The following PDE1C variants were observed in gnomAD, a reference collection of about 807,000 sequenced individuals.
The protein encoded by PDE1C is dual specificity calcium/calmodulin-dependent 3',5'-cyclic nucleotide phosphodiesterase 1C.
In PDE1C, 62 loss-of-function variants were observed where a neutral mutation model predicts 93.1. The ratio of observed to expected loss-of-function variants is 0.67; its 90% confidence interval spans 0.54 to 0.82. PDE1C has a LOEUF of 0.82. Ranked by LOEUF, PDE1C falls within the 40% of genes least tolerant of loss-of-function variation. The pLI is 0.00. For synonymous variants in PDE1C, 325 were observed against 310.1 expected, an observed-to-expected ratio of 1.05 and a Z score of -0.50; for missense variants, 742 against 884.6, an observed-to-expected ratio of 0.84 and a Z score of 2.04.
chr7:32,214,411 C>T (rs141278471), intron 1 of PDE1C, among the ~76,000 whole-genome samples: 253 of 152,146 alleles, frequency 1.7e-3, no homozygotes, highest in Non-Finnish European at 2.9e-3. Context: ...ATTGGAATCA[C>T]CTAGGGAATG....
At chr7:31,904,318 A>G (rs1222259722) in intron 2 of PDE1C, among the ~76,000 whole-genome samples, 1 of 152,118 alleles carries the variant, frequency 6.6e-6, no homozygotes, top group Non-Finnish European at 1.5e-5. Flanking sequence ...ATCTAGAGAC[A>G]CTGCTATTAT....
chr7:31,982,053 T>C (rs943459460), intron 2 of PDE1C, among the ~76,000 whole-genome samples: 1 of 152,240 alleles, frequency 6.6e-6, no homozygotes, highest in Non-Finnish European at 1.5e-5. Context: ...TTCACTGCTA[T>C]CTGCATGATA....
chr7:31,943,306 G>A (rs1383886673), intron 2 of PDE1C, among the ~76,000 whole-genome samples: 1 of 152,132 alleles, frequency 6.6e-6, no homozygotes, highest in African/African-American at 2.4e-5. Flanking sequence ...ATAGCCCAGG[G>A]AGGCTCAGAA....
At chr7:32,162,618 C>T (rs558821383) in intron 3 of PDE1C, among the ~76,000 whole-genome samples, 37 of 152,234 alleles carry the variant, frequency 2.4e-4, no homozygotes, top group African/African-American at 7.5e-4. Context: ...ACACCAAAGT[C>T]ACCATCAAAG....
intron 2 of PDE1C, among the ~76,000 whole-genome samples, chr7:32,201,220 A>C (rs1173886677): frequency 1.3e-5 from 2 of 152,262 alleles, no homozygotes; most frequent in Non-Finnish European, 2.9e-5. Flanking sequence ...GCTTGTAAAA[A>C]ATGAGAAGGT....
chr7:32,071,285 C>T (rs1563284910), upstream of PDE1C: 1 of 985,320 alleles, frequency 1.0e-6, no homozygotes, highest in Non-Finnish European at 1.2e-6. Flanking sequence ...ACGCAGAAGC[C>T]GCGAGGCTTC....
Position 32,015,675 on chromosome 7 carries a change from T to C in PDE1C, c.128+35879A>G, listed in dbSNP as rs553644783. Among the ~76,000 whole-genome samples, 18 of 152,180 alleles carry C rather than the reference T, an allele frequency of 1.2e-4. No homozygotes were observed. In the South Asian group the frequency reaches 1.9e-3, roughly 16 times the overall value. On this transcript the variant is annotated intron_variant, in intron 2 of 17. Coordinates refer to ENST00000396191, the MANE Select transcript of PDE1C (RefSeq NM_001191057.4). Reference sequence around the variant, plus strand: ...ATTTTGCCACTTGGAAATTTAAATCTTCTATACATCAAAAAATTCCCAAAA... The same window carrying C: ...ATTTTGCCACTTGGAAATTTAAATCCTCTATACATCAAAAAATTCCCAAAA...
the PDE1C span, among the ~76,000 whole-genome samples, chr7:31,728,504 C>A: frequency 2.0e-5 from 3 of 152,216 alleles, no homozygotes; most frequent in African/African-American, 4.8e-5. Context: ...GTTTTGGAAG[C>A]TATTTCATAG....
chr7:31,835,550 G>GCA (rs1790976304), intron 11 of PDE1C, among the ~76,000 whole-genome samples: 1 of 151,790 alleles, frequency 6.6e-6, no homozygotes, highest in African/African-American at 2.4e-5. Flanking sequence ...GTGTGTGTGT[G>GCA]TGTGTGCGTG....
chr7:32,412,591 T>C (rs6952883), intron 1 of PDE1C, among the ~76,000 whole-genome samples: 22,586 of 152,148 alleles, frequency 0.15, 3,282 homozygotes, highest in African/African-American at 0.37. Context: ...AGGTTTATAC[T>C]AGCATCACCA....
chr7:32,096,861 A>AGATAGATAGATG (rs1797781639), intron 3 of PDE1C, among the ~76,000 whole-genome samples: 1 of 134,552 alleles, frequency 7.4e-6, no homozygotes, highest in Admixed American at 7.3e-5. Context: ...ATAGATAGAT[A>AGATAGATAGATG]GACAGACAGA....
chr7:31,988,995 C>CAAAAAAAAAAAAAAAAAAA (rs36081234), intron 2 of PDE1C, among the ~76,000 whole-genome samples: 1 of 34,170 alleles, frequency 2.9e-5, no homozygotes, highest in African/African-American at 1.1e-4. Context: ...AACTTCTTCT[C>CAAAAAAAAAAAAAAAAAAA]AAAAAAAAAA....
intron 16 of PDE1C, chr7:31,788,355 T>G (rs1180784357): frequency 6.6e-6 from 1 of 152,194 alleles, no homozygotes; most frequent in Non-Finnish European, 1.5e-5. Context: ...CAATGCCCCA[T>G]GGATTGAATG....
At chr7:32,370,103 T>C (rs1287301643) in intron 1 of PDE1C, among the ~76,000 whole-genome samples, 5 of 152,090 alleles carry the variant, frequency 3.3e-5, no homozygotes, top group African/African-American at 1.2e-4. Flanking sequence ...AATGATAGAC[T>C]GGATTAAGAA....
chr7:31,969,297 A>T (rs1163512378), intron 2 of PDE1C, among the ~76,000 whole-genome samples: 1 of 152,236 alleles, frequency 6.6e-6, no homozygotes, highest in Non-Finnish European at 1.5e-5. Flanking sequence ...ATTTACAAGA[A>T]AAAAACAAAC....
At position 32,392,447 on chromosome 7, in the gene PDE1C, A is replaced by T. The variant is rs554609414; in HGVS notation, c.310+35375T>A. 2.0e-5 allele frequency among the ~76,000 whole-genome samples: 3 copies of T among 152,340 alleles called. No individual in the cohort carries two copies. In the East Asian group the frequency reaches 5.8e-4, roughly 29 times the overall value. On this transcript the variant is annotated intron_variant, in intron 1 of 1. Coordinates refer to the PDE1C transcript ENST00000672256. Reference sequence around the variant, plus strand: ...GGGGATATTCCCAACTCATTCTATGAGGTCAGTTTTATCCTGATATCAAAG... The same window carrying T: ...GGGGATATTCCCAACTCATTCTATGTGGTCAGTTTTATCCTGATATCAAAG...
chr7:32,042,891 C>A (rs769186791), intron 2 of PDE1C, among the ~76,000 whole-genome samples: 1 of 152,160 alleles, frequency 6.6e-6, no homozygotes, highest in Non-Finnish European at 1.5e-5. Flanking sequence ...GTTTTTGAGC[C>A]AAAGACCACA....
the PDE1C span, among the ~76,000 whole-genome samples, chr7:31,694,479 G>A: frequency 1.3e-5 from 2 of 151,450 alleles, no homozygotes; most frequent in East Asian, 3.9e-4. Context: ...TAGAAATGAA[G>A]GTGCAAGTTC....
intron 2 of PDE1C, among the ~76,000 whole-genome samples, chr7:32,014,835 A>T (rs1473176818): frequency 6.6e-6 from 1 of 151,048 alleles, no homozygotes; most frequent in African/African-American, 2.4e-5. Flanking sequence ...AGTCCCTATG[A>T]TCTCATACAC....
Sources: allele counts gnomAD v4.1 joint callset (sites outside exome capture counted in the v4.1 genomes callset), GRCh38; gene constraint gnomAD v4.1.1; transcripts MANE v1.5; gene names NCBI Gene and HGNC (gene_info 2026-07-23, HGNC 2026-07-21).